The following CUX2 variants were observed in gnomAD, a reference collection of about 807,000 sequenced individuals.
CUX2 encodes homeobox protein cut-like 2.
A neutral mutation model predicts 144.8 loss-of-function variants in CUX2; 40 were observed. That is an observed-to-expected ratio of 0.28 (90% CI 0.21 to 0.36). The LOEUF (loss-of-function observed/expected upper bound fraction) is 0.36, where lower values mean the gene tolerates loss of function less well. CUX2 is among the 10% of genes least tolerant of loss of function. The probability of loss-of-function intolerance (pLI) is 1.00; values close to 1 mark genes in which losing one functional copy is unlikely to be tolerated. For synonymous variants in CUX2, 827 were observed against 875.6 expected (o/e 0.94, Z 0.98); for missense variants, 1,615 against 1,994.0 (o/e 0.81, Z 3.62).
At chr12:111,084,617 A>G (rs1872091423) in intron 1 of CUX2, among the ~76,000 whole-genome samples, 1 of 152,062 alleles carries the variant, frequency 6.6e-6, no homozygotes, top group South Asian at 2.1e-4. Context: ...CTTACACTTT[A>G]TATTTCTGCG....
At chr12:111,147,173 T>C (rs1206872401) in intron 1 of CUX2, among the ~76,000 whole-genome samples, 2 of 152,202 alleles carry the variant, frequency 1.3e-5, no homozygotes, top group Non-Finnish European at 2.9e-5. Flanking sequence ...CATGCATGCA[T>C]GCTCTGATCT....
Position 111,163,045 on chromosome 12 carries a change from CA to C in CUX2, c.64-51138del, listed in dbSNP as rs559797657. On this transcript the variant is annotated intron_variant, in intron 1 of 21. Transcript: ENST00000261726. ...TGGGTAACAGAGCAAGACTCTGTCT[CA>C]AAAAAAAAAAAAAAAAGGAATTTGG... is the stretch of plus-strand genomic sequence containing the variant. Among the ~76,000 whole-genome samples, 1,101 of 112,784 alleles carry C rather than the reference CA, an allele frequency of 9.8e-3. 7 individuals carry two copies. The highest frequency in any genetic ancestry group is 0.02 in the African/African-American group (614 of 30,802). The allele number at this position is 112,784 out of a possible 152,430, so 74.0% of individuals were successfully genotyped here. A position where few individuals can be genotyped will look rare whatever the true frequency, so the allele number is the denominator to read the frequency against.
rs1188687478 is a variant in CUX2, at chr12:111,070,406, TTCC to T, written c.63+36168_63+36170del. 6.2e-4 allele frequency among the ~76,000 whole-genome samples: 3 copies of T among 4,838 alleles called. No homozygotes were observed. In the East Asian group the frequency reaches 0.033, roughly 53 times the overall value. The allele number at this position is 4,838 out of a possible 152,430, so 3.2% of individuals were successfully genotyped here. Reference sequence around the variant, plus strand: ...CTTCCTTCCTTCTTTCCTTCCTTCCTTCCTTCCTTCCTTCCTTCCTTCCTTCCT... The same window carrying T: ...CTTCCTTCCTTCTTTCCTTCCTTCCTTTCCTTCCTTCCTTCCTTCCTTCCT... On this transcript the variant is annotated intron_variant, in intron 1 of 21. Transcript: ENST00000261726.
intron 1 of CUX2, among the ~76,000 whole-genome samples, chr12:111,074,136 A>G (rs2136033729): frequency 6.6e-6 from 1 of 152,028 alleles, no homozygotes; most frequent in African/African-American, 2.4e-5. Context: ...TTATCCAGCA[A>G]TCGGCTTAAT....
intron 1 of CUX2, among the ~76,000 whole-genome samples, chr12:111,181,425 CGATT>C (rs1304043658): frequency 6.6e-6 from 1 of 152,164 alleles, no homozygotes; most frequent in Admixed American, 6.5e-5. Flanking sequence ...CCTGATTGGG[CGATT>C]GATTGGCCTG....
intron 1 of CUX2, among the ~76,000 whole-genome samples, chr12:111,211,756 G>C (rs1881240916): frequency 1.3e-5 from 2 of 152,120 alleles, no homozygotes; most frequent in African/African-American, 4.8e-5. Context: ...TTGGTGGTGG[G>C]TGCTTGTAGT....
intron 1 of CUX2, chr12:111,099,949 C>CA (rs746286788): frequency 3.7e-4 from 171 of 457,376 alleles, no homozygotes; most frequent in African/African-American, 3.2e-3. Flanking sequence ...TGCGTCAGCT[C>CA]AGAGTCCTGT....
chr12:111,275,744 T>C (rs1008854349), intron 4 of CUX2, among the ~76,000 whole-genome samples: 1 of 152,100 alleles, frequency 6.6e-6, no homozygotes, highest in Non-Finnish European at 1.5e-5. Context: ...TTGAACACAT[T>C]GCAGGATGTG....
intron 3 of CUX2, among the ~76,000 whole-genome samples, chr12:111,250,383 A>G (rs1883505444): frequency 6.6e-6 from 1 of 151,960 alleles, no homozygotes; most frequent in South Asian, 2.1e-4. Flanking sequence ...TGTATATTGG[A>G]GCCGCCTTCT....
intron 3 of CUX2, among the ~76,000 whole-genome samples, chr12:111,229,347 G>A (rs561747818): frequency 6.6e-6 from 1 of 152,184 alleles, no homozygotes; most frequent in Non-Finnish European, 1.5e-5. Context: ...CTAGATGTGG[G>A]TGTCCTCTCT....
In CUX2 at chr12:111,059,549, T is replaced by C. The variant is rs1033769443; in HGVS notation, c.63+25309T>C. On this transcript the variant is annotated intron_variant, in intron 1 of 21. Transcript: ENST00000261726. The surrounding 1 kb of genome is among the most constrained non-coding windows in gnomAD (Gnocchi z 5.3). ...TTCCAAATGGGGCACGTGACTCTTC[T>C]GACTTTCCTAGGTCCCCCCACCCAG... is the stretch of plus-strand genomic sequence containing the variant. Among the ~76,000 whole-genome samples the C allele has an allele frequency of 2.6e-5, 4 of 152,106 alleles. No homozygotes were observed. The highest frequency in any genetic ancestry group is 9.7e-5 in the African/African-American group (4 of 41,430).
intron 17 of CUX2, among the ~76,000 whole-genome samples, chr12:111,321,519 C>T (rs1006403251): frequency 5.3e-5 from 8 of 151,442 alleles, no homozygotes; most frequent in Non-Finnish European, 7.4e-5. Flanking sequence ...TGTAGCAAGA[C>T]CCCCATCTCT....
chr12:111,198,828 G>A lies in CUX2; in HGVS notation c.64-15372G>A, dbSNP rs566123721. Among the ~76,000 whole-genome samples, 34 of 152,364 alleles carry A rather than the reference G, an allele frequency of 2.2e-4. 1 individual carries two copies. The South Asian group carries it at 6.4e-3, about 29-fold the overall frequency. ...AAGAGGCTGGCTCATCGGAGGCCCA[G>A]GAGCAGCAGGTGTAGCTGGAGTGCA... On this transcript the variant is annotated intron_variant, in intron 1 of 21. Coordinates refer to ENST00000261726, the MANE Select transcript of CUX2 (RefSeq NM_015267.4).
intron 1 of CUX2, among the ~76,000 whole-genome samples, chr12:111,042,258 T>C (rs575213251): frequency 1.3e-5 from 2 of 152,258 alleles, no homozygotes; most frequent in East Asian, 3.9e-4. Flanking sequence ...CGGTGTGGAC[T>C]GTGGGTGTTG....
intron 1 of CUX2, among the ~76,000 whole-genome samples, chr12:111,176,042 T>C (rs867417358): frequency 3.0e-4 from 40 of 132,880 alleles, no homozygotes; most frequent in Middle Eastern, 3.8e-3. Context: ...TCTTCTTCTT[T>C]TTTTTTTTTT....
chr12:111,054,329 C>T (rs1870422283), intron 1 of CUX2, among the ~76,000 whole-genome samples: 1 of 152,094 alleles, frequency 6.6e-6, no homozygotes, highest in African/African-American at 2.4e-5. Context: ...GTGTGGCCCT[C>T]ATATAAGCGT....
intron 1 of CUX2, among the ~76,000 whole-genome samples, chr12:111,168,522 A>G (rs1247191997): frequency 6.6e-6 from 1 of 152,184 alleles, no homozygotes; most frequent in Non-Finnish European, 1.5e-5. Flanking sequence ...CCGTCGGTCA[A>G]GGGTGGCCCA....
chr12:111,295,560 G>C lies in CUX2; in HGVS notation c.637+151G>C, dbSNP rs900017634. On this transcript the variant is annotated intron_variant, in intron 7 of 21. Transcript: ENST00000261726. The surrounding 1 kb of genome is among the most constrained non-coding windows in gnomAD (Gnocchi z 5.0). Reference sequence around the variant, plus strand: ...TTTGGGAAGAATAATCTTACCCAGTGGGGGGCTGAGCCTCTATGCCCCAGA... The same window carrying C: ...TTTGGGAAGAATAATCTTACCCAGTCGGGGGCTGAGCCTCTATGCCCCAGA... 3.1e-6 allele frequency: 2 copies of C among 645,274 alleles called. No individual in the cohort carries two copies. Among genetic ancestry groups the C allele is most frequent in the Non-Finnish European group, 5.2e-6 (2 of 386,320 alleles). 40.0% of individuals were successfully genotyped at this position (645,274 alleles called of 1,614,324 possible). A position where few individuals can be genotyped will look rare whatever the true frequency, so the allele number is the denominator to read the frequency against.
At position 111,340,921 on chromosome 12, in the gene CUX2, C is replaced by T. The variant is rs191861118; in HGVS notation, c.3386-859C>T. On this transcript the variant is annotated intron_variant, in intron 20 of 21. Transcript: ENST00000261726. ...CAGGACAAACACAGCATGCGAAGTCCTGTTCCAGCCAGTGGAAACCGGACA... is the reference window on the plus strand; with the variant it reads ...CAGGACAAACACAGCATGCGAAGTCTTGTTCCAGCCAGTGGAAACCGGACA... Among the ~76,000 whole-genome samples the T allele has an allele frequency of 1.4e-4, 22 of 152,310 alleles. No individual in the cohort carries two copies. The East Asian group carries it at 4.0e-3, about 28-fold the overall frequency.
Sources: gnomAD v4.1 joint callset for allele counts (sites outside exome capture counted in the v4.1 genomes callset) on GRCh38, gnomAD v4.1.1 for gene constraint, Gnocchi (gnomAD v3.1) non-coding constraint, MANE v1.5 for transcripts, NCBI Gene and HGNC (gene_info 2026-07-23, HGNC 2026-07-21) for gene names.